Variants in SH3KBP1 observed in about 807,000 individuals in gnomAD.
SH3KBP1 encodes the protein SH3 domain-containing kinase-binding protein 1.
SH3KBP1 carries 8 observed loss-of-function variants against 50.1 expected under a neutral mutation model. The ratio of observed to expected loss-of-function variants is 0.16; its 90% confidence interval spans 0.09 to 0.29. The LOEUF (loss-of-function observed/expected upper bound fraction) is 0.29, where lower values mean the gene tolerates loss of function less well. Ranked by LOEUF, SH3KBP1 falls within the 10% of genes least tolerant of loss-of-function variation. The pLI is 1.00. For missense variants in SH3KBP1, 377 were observed against 535.2 expected (o/e 0.70, Z 2.92); for synonymous variants, 227 against 218.6 (o/e 1.04, Z -0.34).
chrX:19,766,019 A>C (rs2065593417), intron 2 of SH3KBP1, among the ~76,000 whole-genome samples: 1 of 111,628 alleles, frequency 9.0e-6, no homozygotes, highest in Non-Finnish European at 1.9e-5. Context: ...ATTCTTTTGG[A>C]TATATACCCA....
intron 6 of SH3KBP1, among the ~76,000 whole-genome samples, chrX:19,682,588 C>A (rs1220013096): frequency 1.8e-5 from 2 of 110,866 alleles, no homozygotes; most frequent in East Asian, 5.6e-4. Context: ...CAGAAGTGAG[C>A]TCAAGAGCTG....
At chrX:19,745,830 G>T (rs1261272832) in intron 3 of SH3KBP1, among the ~76,000 whole-genome samples, 1 of 112,698 alleles carries the variant, frequency 8.9e-6, no homozygotes, top group Non-Finnish European at 1.9e-5. Flanking sequence ...ATTGTTAAAG[G>T]TCTTCTGGTC....
chrX:19,586,510 C>T (rs1454703185), intron 12 of SH3KBP1, among the ~76,000 whole-genome samples: 1 of 112,120 alleles, frequency 8.9e-6, no homozygotes, highest in Non-Finnish European at 1.9e-5. Context: ...ATACTAGCTT[C>T]TGGGCTGACC....
At chrX:19,554,355 TTA>T (rs1427644647) in intron 13 of SH3KBP1, among the ~76,000 whole-genome samples, 1 of 85,547 alleles carries the variant, frequency 1.2e-5, no homozygotes, top group Non-Finnish European at 2.1e-5. Flanking sequence ...TATTAATATA[TTA>T]TATATCATAT....
intron 13 of SH3KBP1, among the ~76,000 whole-genome samples, chrX:19,551,045 G>T (rs1182596922): frequency 9.0e-6 from 1 of 111,572 alleles, no homozygotes; most frequent in Non-Finnish European, 1.9e-5. Context: ...TTTGCTGATG[G>T]TTATAATAAG....
intron 5 of SH3KBP1, among the ~76,000 whole-genome samples, chrX:19,687,412 G>A (rs1010606304): frequency 2.7e-5 from 3 of 112,483 alleles, no homozygotes; most frequent in Non-Finnish European, 3.8e-5. Flanking sequence ...AAACAAAAGC[G>A]CCAGGGGCTG....
intron 9 of SH3KBP1, among the ~76,000 whole-genome samples, chrX:19,600,616 G>T (rs997876776): frequency 9.0e-6 from 1 of 111,217 alleles, no homozygotes; most frequent in African/African-American, 3.3e-5. Flanking sequence ...GGGGTCCTCC[G>T]GGCTAAGTAG....
At chrX:19,584,206 CAA>C (rs1477381747) in intron 12 of SH3KBP1, among the ~76,000 whole-genome samples, 7 of 83,537 alleles carry the variant, frequency 8.4e-5, no homozygotes, top group Non-Finnish European at 1.6e-4. Context: ...AAATATATGT[CAA>C]TATATATTTA....
intron 1 of SH3KBP1, among the ~76,000 whole-genome samples, chrX:19,842,415 A>G (rs1026899555): frequency 9.0e-6 from 1 of 110,939 alleles, no homozygotes; most frequent in African/African-American, 3.3e-5. Flanking sequence ...AATCCCAGCT[A>G]CTCAGGAGGC....
intron 6 of SH3KBP1, among the ~76,000 whole-genome samples, chrX:19,673,751 C>A (rs2062858759): frequency 9.0e-6 from 1 of 111,613 alleles, no homozygotes; most frequent in South Asian, 3.8e-4. Flanking sequence ...ACTTGCCCAC[C>A]CACCCAGAAG....
intron 2 of SH3KBP1, among the ~76,000 whole-genome samples, chrX:19,823,148 G>T (rs2067574479): frequency 9.0e-6 from 1 of 111,276 alleles, no homozygotes; most frequent in Admixed American, 9.6e-5. Context: ...TGGGAGGATG[G>T]GGATGGAAGT....
chrX:19,669,290 TG>T (rs2062719140), intron 6 of SH3KBP1, among the ~76,000 whole-genome samples: 1 of 103,541 alleles, frequency 9.7e-6, no homozygotes, highest in African/African-American at 3.6e-5. Context: ...TTTATTTCTT[TG>T]TATTCTTCAA....
In SH3KBP1 at chrX:19,734,926, G is replaced by T. The variant is rs903048083; in HGVS notation, c.286+11392C>A. Among the ~76,000 whole-genome samples, 5 of 112,074 alleles carry T rather than the reference G, an allele frequency of 4.5e-5. No homozygotes were observed. In the South Asian group the frequency reaches 1.9e-3, roughly 42 times the overall value. The stretch of plus-strand genomic sequence containing the variant: ...GCCATTCATCCACTGGTGGACATTT[G>T]GGTTGTTGCCACTGTTTGGCTATTA... On this transcript the variant is annotated intron_variant, in intron 3 of 17. Coordinates refer to ENST00000397821, the MANE Select transcript of SH3KBP1 (RefSeq NM_031892.3).
intron 6 of SH3KBP1, among the ~76,000 whole-genome samples, chrX:19,650,182 G>A (rs776276880): frequency 8.9e-6 from 1 of 112,011 alleles, no homozygotes; most frequent in Non-Finnish European, 1.9e-5. Context: ...ATTATAAGAA[G>A]AAGATGGTGG....
chrX:19,839,340 T>A (rs1418025961), intron 1 of SH3KBP1, among the ~76,000 whole-genome samples: 13 of 96,405 alleles, frequency 1.3e-4, no homozygotes, highest in South Asian at 5.0e-4. Context: ...AAAAACAAAA[T>A]TTTTTTTTTT....
At chrX:19,763,153 A>G (rs921792085) in intron 2 of SH3KBP1, among the ~76,000 whole-genome samples, 9 of 111,846 alleles carry the variant, frequency 8.0e-5, no homozygotes, top group Non-Finnish European at 1.5e-4. Context: ...AACTCTGCAC[A>G]TATACCACAA....
intron 5 of SH3KBP1, among the ~76,000 whole-genome samples, chrX:19,685,526 G>A (rs1429346989): frequency 1.8e-5 from 2 of 111,156 alleles, no homozygotes; most frequent in Admixed American, 9.5e-5. Flanking sequence ...GACCGAATGG[G>A]GAACAGCCCA....
At chrX:19,794,652 G>A (rs867530070) in intron 2 of SH3KBP1, among the ~76,000 whole-genome samples, 12 of 111,141 alleles carry the variant, frequency 1.1e-4, no homozygotes, top group South Asian at 3.8e-4. Flanking sequence ...GCAGTGAGCC[G>A]AGATAGCGCC....
At chrX:19,839,309 A>G (rs895711350) in intron 1 of SH3KBP1, among the ~76,000 whole-genome samples, 6 of 107,294 alleles carry the variant, frequency 5.6e-5, no homozygotes, top group African/African-American at 2.0e-4. Context: ...TCTATACATA[A>G]TTAAGAAGAT....
Sources: allele counts gnomAD v4.1 joint callset (sites outside exome capture counted in the v4.1 genomes callset), GRCh38; gene constraint gnomAD v4.1.1; transcripts MANE v1.5; gene names NCBI Gene and HGNC (gene_info 2026-07-23, HGNC 2026-07-21).